Variants in AUTS2 observed in about 807,000 individuals in gnomAD.
AUTS2 encodes the protein autism susceptibility gene 2 protein.
In AUTS2, 17 loss-of-function variants were observed where a neutral mutation model predicts 112.4. That is an observed-to-expected ratio of 0.15 (90% CI 0.10 to 0.23). AUTS2 has a LOEUF of 0.23. Ranked by LOEUF, AUTS2 falls within the 10% of genes least tolerant of loss-of-function variation. AUTS2 has a pLI of 1.00. For missense variants in AUTS2, 1,510 were observed against 1,701.6 expected (o/e 0.89, Z 1.98); for synonymous variants, 751 against 702.7 (o/e 1.07, Z -1.09).
chr7:70,068,391 A>G (rs762511964), intron 2 of AUTS2, among the ~76,000 whole-genome samples: 24 of 151,538 alleles, frequency 1.6e-4, no homozygotes, highest in Non-Finnish European at 3.2e-4. Context: ...TAACCGTGTT[A>G]GCCAGGATGG....
chr7:70,660,253 T>C (rs934857620), intron 5 of AUTS2, among the ~76,000 whole-genome samples: 2 of 152,122 alleles, frequency 1.3e-5, no homozygotes, highest in Admixed American at 6.5e-5. Flanking sequence ...TGGCAGGGTC[T>C]ACAGTGTTGC....
intron 2 of AUTS2, among the ~76,000 whole-genome samples, chr7:70,027,374 G>A (rs1800567618): frequency 6.6e-6 from 1 of 151,982 alleles, no homozygotes; most frequent in African/African-American, 2.4e-5. Context: ...TCCTTTACAT[G>A]TTTATATTTG....
At chr7:70,738,006 A>C (rs1309877216) in intron 6 of AUTS2, among the ~76,000 whole-genome samples, 1 of 152,194 alleles carries the variant, frequency 6.6e-6, no homozygotes, top group Non-Finnish European at 1.5e-5. Context: ...GCTTGTACGG[A>C]AGACATTCTG....
chr7:69,834,149 G>A (rs953909334), intron 1 of AUTS2, among the ~76,000 whole-genome samples: 3 of 152,052 alleles, frequency 2.0e-5, no homozygotes, highest in African/African-American at 4.8e-5. Context: ...GCACCTCTAC[G>A]TCACTCTTCT....
At position 69,598,597 on chromosome 7, in the gene AUTS2, C is replaced by T. The variant is rs905969438; in HGVS notation, c.-1057C>T. On this transcript the variant is annotated 5_prime_UTR_variant, in exon 1 of 19. Coordinates refer to ENST00000342771, the MANE Select transcript of AUTS2 (RefSeq NM_015570.4). ...GCGGCGGCGGCGAGAGCAGCGTTCC[C>T]GGCTGCGCTTCTCCCTCAGGCGGGG... is the stretch of plus-strand genomic sequence containing the variant. 1.1e-5 allele frequency: 2 copies of T among 179,398 alleles called. No individual in the cohort carries two copies. The highest frequency in any genetic ancestry group is 2.5e-5 in the African/African-American group (1 of 40,192). The allele number at this position is 179,398 out of a possible 1,614,324, so 11.1% of individuals were successfully genotyped here.
At position 70,503,385 on chromosome 7, in the gene AUTS2, A is replaced by G. The variant is rs79809563; in HGVS notation, c.690+67604A>G. Among the ~76,000 whole-genome samples, 356 of 152,120 alleles carry G rather than the reference A, an allele frequency of 2.3e-3. 6 individuals carry two copies. In the East Asian group the frequency reaches 0.052, roughly 22 times the overall value. On this transcript the variant is annotated intron_variant, in intron 5 of 18. Coordinates refer to ENST00000342771, the MANE Select transcript of AUTS2 (RefSeq NM_015570.4). Reference sequence around the variant, plus strand: ...GTGATGTGTGCCTGTGTTATCTTTCATGATCTGACAGATCATGTTTGAAAA... The same window carrying G: ...GTGATGTGTGCCTGTGTTATCTTTCGTGATCTGACAGATCATGTTTGAAAA...
intron 1 of AUTS2, among the ~76,000 whole-genome samples, chr7:69,612,693 C>T (rs1171406652): frequency 2.0e-5 from 3 of 152,080 alleles, no homozygotes; most frequent in Admixed American, 6.6e-5. Flanking sequence ...TGGGCTTAAG[C>T]GATCCTCCCA....
chr7:70,401,424 T>A (rs1562936711), intron 4 of AUTS2, among the ~76,000 whole-genome samples: 1 of 152,052 alleles, frequency 6.6e-6, no homozygotes, highest in Non-Finnish European at 1.5e-5. Context: ...AATAGTGGTG[T>A]GGTGAGATTA....
intron 6 of AUTS2, among the ~76,000 whole-genome samples, chr7:70,712,815 C>T (rs1349356970): frequency 1.3e-5 from 2 of 152,146 alleles, no homozygotes; most frequent in Admixed American, 1.3e-4. Context: ...GACAGAGTCT[C>T]AATCTGTCGG....
intron 5 of AUTS2, among the ~76,000 whole-genome samples, chr7:70,610,448 TTTTTC>T: frequency 1.6e-5 from 2 of 124,362 alleles, no homozygotes. Flanking sequence ...TTTTTTTTTT[TTTTTC>T]CTGACAGAGT....
intron 4 of AUTS2, among the ~76,000 whole-genome samples, chr7:70,394,198 C>CT (rs1270985677): frequency 3.3e-5 from 5 of 152,216 alleles, no homozygotes; most frequent in South Asian, 2.1e-4. Flanking sequence ...CTCTTTGGTA[C>CT]TTTTTTTTCC....
intron 2 of AUTS2, among the ~76,000 whole-genome samples, chr7:69,940,877 A>C (rs1206900376): frequency 3.5e-4 from 54 of 152,316 alleles, no homozygotes; most frequent in Non-Finnish European, 8.8e-5. Flanking sequence ...GGGAGGAACC[A>C]GTAACAATGC....
chr7:70,441,294 C>G (rs117728464), intron 5 of AUTS2, among the ~76,000 whole-genome samples: 1 of 152,124 alleles, frequency 6.6e-6, no homozygotes, highest in South Asian at 2.1e-4. Context: ...TGTCCTGTAC[C>G]CAGGACAGCC....
chr7:70,023,845 G>A (rs1351498739), intron 2 of AUTS2, among the ~76,000 whole-genome samples: 1 of 152,084 alleles, frequency 6.6e-6, no homozygotes, highest in Non-Finnish European at 1.5e-5. Context: ...TTGTTGACTG[G>A]CAAAGAAAAA....
intron 4 of AUTS2, among the ~76,000 whole-genome samples, chr7:70,394,101 G>A (rs1793983413): frequency 6.6e-6 from 1 of 151,696 alleles, no homozygotes; most frequent in Admixed American, 6.6e-5. Flanking sequence ...ATTCCCTTGG[G>A]AATTCACCTT....
chr7:69,978,242 G>C (rs1273304009), intron 2 of AUTS2, among the ~76,000 whole-genome samples: 3 of 152,090 alleles, frequency 2.0e-5, no homozygotes, highest in Non-Finnish European at 4.4e-5. Flanking sequence ...ACATACATTT[G>C]CATCTTCATA....
intron 4 of AUTS2, among the ~76,000 whole-genome samples, chr7:70,245,207 C>G (rs1812859424): frequency 1.4e-5 from 2 of 146,042 alleles, no homozygotes; most frequent in South Asian, 4.4e-4. Flanking sequence ...AAAGTAAGTG[C>G]AAGACATCTT....
At chr7:70,662,590 T>G (rs1807129796) in intron 5 of AUTS2, among the ~76,000 whole-genome samples, 1 of 152,220 alleles carries the variant, frequency 6.6e-6, no homozygotes, top group Non-Finnish European at 1.5e-5. Context: ...TACCTAGGCC[T>G]GTAGCAATTT....
intron 4 of AUTS2, among the ~76,000 whole-genome samples, chr7:70,174,922 A>G (rs1313567446): frequency 6.6e-6 from 1 of 152,206 alleles, no homozygotes; most frequent in African/African-American, 2.4e-5. Flanking sequence ...CATTTATTTT[A>G]CCATTCATGG....
Sources: gnomAD v4.1 joint callset for allele counts (sites outside exome capture counted in the v4.1 genomes callset) on GRCh38, gnomAD v4.1.1 for gene constraint, MANE v1.5 for transcripts, NCBI Gene and HGNC (gene_info 2026-07-23, HGNC 2026-07-21) for gene names.